The following ADK variants were observed in gnomAD, a reference collection of about 807,000 sequenced individuals.
The protein encoded by ADK is adenosine kinase.
In ADK, 24 loss-of-function variants were observed where a neutral mutation model predicts 44.7. The observed-to-expected ratio is 0.54, with a 90% CI of 0.39 to 0.76. ADK has a LOEUF of 0.76. ADK is among the 30% of genes least tolerant of loss of function. The pLI is 0.00. For missense variants in ADK, 321 were observed against 425.1 expected (o/e 0.76, Z 2.15); for synonymous variants, 128 against 142.6 (o/e 0.90, Z 0.73).
chr10:74,527,534 G>A, intron 7 of ADK: 1 of 672,890 alleles, frequency 1.5e-6, no homozygotes, highest in East Asian at 2.7e-5. Context: ...AAATATAGCA[G>A]AGCACGCAGA....
chr10:74,605,595 G>A (rs188592779), intron 9 of ADK, among the ~76,000 whole-genome samples: 53 of 152,230 alleles, frequency 3.5e-4, no homozygotes, highest in African/African-American at 1.2e-3. Flanking sequence ...GGATGAAGCC[G>A]ACTTGATCAT....
At chr10:74,703,669 T>G (rs1281979823) in intron 10 of ADK, among the ~76,000 whole-genome samples, 2 of 152,182 alleles carry the variant, frequency 1.3e-5, no homozygotes, top group African/African-American at 2.4e-5. Context: ...ATAAAGGATA[T>G]TATTGGGTAA....
chr10:74,480,369 C>T (rs753492116), intron 6 of ADK, among the ~76,000 whole-genome samples: 3 of 151,958 alleles, frequency 2.0e-5, no homozygotes, highest in Non-Finnish European at 4.4e-5. Context: ...GCTGGGACTA[C>T]AGGCATGTGC....
intron 3 of ADK, among the ~76,000 whole-genome samples, chr10:74,313,947 C>CTA (rs1460292438): frequency 2.6e-5 from 4 of 151,916 alleles, no homozygotes; most frequent in African/African-American, 9.7e-5. Flanking sequence ...ATCCATCCAA[C>CTA]TATTGATTTT....
intron 3 of ADK, among the ~76,000 whole-genome samples, chr10:74,301,648 G>T (rs1039218301): frequency 6.7e-4 from 100 of 149,904 alleles, no homozygotes; most frequent in African/African-American, 2.4e-3. Flanking sequence ...TCCTAAATTT[G>T]TCAGTAAAAG....
chr10:74,162,269 T>C (rs1054242002), intron 1 of ADK, among the ~76,000 whole-genome samples: 8 of 151,904 alleles, frequency 5.3e-5, no homozygotes, highest in African/African-American at 1.9e-4. Context: ...TCCGCCCACC[T>C]TGGCCTCCCA....
In ADK at chr10:74,534,417, A is replaced by G. The variant is rs72820504; in HGVS notation, c.726+8991A>G. On this transcript the variant is annotated intron_variant, in intron 7 of 10. Coordinates refer to ENST00000539909, the MANE Select transcript of ADK (RefSeq NM_006721.4). ...CAATTTGTTATTTTTTGATCACCAT[A>G]TATGAAACTTCTGTTATTTCCATGG... Among the ~76,000 whole-genome samples the G allele has an allele frequency of 3.1e-3, 472 of 152,326 alleles. 1 individual carries two copies. The highest frequency in any genetic ancestry group is 5.5e-3 in the Non-Finnish European group (372 of 68,014).
intron 3 of ADK, among the ~76,000 whole-genome samples, chr10:74,296,616 T>C (rs973910865): frequency 4.0e-5 from 6 of 151,168 alleles, no homozygotes; most frequent in South Asian, 4.2e-4. Flanking sequence ...TTTTTTTTTT[T>C]TTTCTTTTTT....
At chr10:74,357,411 A>G (rs1592095228) in intron 4 of ADK, among the ~76,000 whole-genome samples, 1 of 151,050 alleles carries the variant, frequency 6.6e-6, no homozygotes, top group South Asian at 2.1e-4. Context: ...CCATGGGCTC[A>G]GGTGACCCTC....
chr10:74,517,643 T>G (rs1848645700), intron 6 of ADK, among the ~76,000 whole-genome samples: 1 of 151,434 alleles, frequency 6.6e-6, no homozygotes. Flanking sequence ...GAGCTGTGAT[T>G]GCACCACTGC....
intron 7 of ADK, among the ~76,000 whole-genome samples, chr10:74,533,293 C>G (rs935626921): frequency 1.3e-5 from 2 of 151,970 alleles, no homozygotes; most frequent in South Asian, 2.1e-4. Context: ...CAAGTTGATT[C>G]TAATATTTAT....
intron 2 of ADK, among the ~76,000 whole-genome samples, chr10:74,202,598 C>T (rs1161968133): frequency 6.6e-6 from 1 of 152,164 alleles, no homozygotes; most frequent in African/African-American, 2.4e-5. Context: ...ATAAGTGTTC[C>T]AGTTTCTCTA....
At chr10:74,233,525 A>AGGG (rs1844856390) in intron 3 of ADK, among the ~76,000 whole-genome samples, 1 of 152,150 alleles carries the variant, frequency 6.6e-6, no homozygotes, top group Non-Finnish European at 1.5e-5. Context: ...TACTGCTTCA[A>AGGG]TTGCATCCCC....
At chr10:74,472,186 G>A (rs1001502153) in intron 6 of ADK, among the ~76,000 whole-genome samples, 1 of 152,080 alleles carries the variant, frequency 6.6e-6, no homozygotes, top group African/African-American at 2.4e-5. Context: ...CTGGGTGATA[G>A]AGCAAGATCC....
At chr10:74,388,289 C>T (rs1322324313) in intron 4 of ADK, among the ~76,000 whole-genome samples, 3 of 152,194 alleles carry the variant, frequency 2.0e-5, no homozygotes, top group African/African-American at 4.8e-5. Flanking sequence ...AAGAAATTGA[C>T]GTTTAGCAGT....
chr10:74,439,633 C>T (rs918778550), intron 6 of ADK, among the ~76,000 whole-genome samples: 1 of 151,906 alleles, frequency 6.6e-6, no homozygotes, highest in African/African-American at 2.4e-5. Flanking sequence ...GTCTTGGCTT[C>T]CAAAAGAAAG....
chr10:74,158,666 A>T (rs960261885), intron 1 of ADK, among the ~76,000 whole-genome samples: 10 of 152,186 alleles, frequency 6.6e-5, no homozygotes, highest in Admixed American at 3.9e-4. Context: ...CCCTGCCCCA[A>T]GGATTTAAGA....
In ADK at chr10:74,469,497, G is replaced by A. The variant is rs953562293; in HGVS notation, c.556-55759G>A. 2.6e-5 allele frequency among the ~76,000 whole-genome samples: 4 copies of A among 152,176 alleles called. No individual in the cohort carries two copies. The East Asian group carries it at 7.7e-4, about 29-fold the overall frequency. On this transcript the variant is annotated intron_variant, in intron 6 of 10. Coordinates refer to ENST00000539909, the MANE Select transcript of ADK (RefSeq NM_006721.4). ...CCTACTTCAGCCTCCAGAGTAGCTA[G>A]GACTACAGGCACACACCACCTCACC... is the stretch of plus-strand genomic sequence containing the variant.
intron 9 of ADK, among the ~76,000 whole-genome samples, chr10:74,620,343 C>T (rs911700287): frequency 1.1e-4 from 16 of 152,146 alleles, no homozygotes; most frequent in Admixed American, 4.6e-4. Context: ...TTTTTAGCTT[C>T]CACGTACGAG....
Sources: allele counts gnomAD v4.1 joint callset (sites outside exome capture counted in the v4.1 genomes callset), GRCh38; gene constraint gnomAD v4.1.1; transcripts MANE v1.5; gene names NCBI Gene and HGNC (gene_info 2026-07-23, HGNC 2026-07-21).